Variants in ARHGAP32 observed in about 807,000 individuals in gnomAD.
ARHGAP32 encodes Rho GTPase activating protein 32.
In ARHGAP32, 51 loss-of-function variants were observed where a neutral mutation model predicts 186.5. That is an observed-to-expected ratio of 0.27 (90% CI 0.22 to 0.35). ARHGAP32 has a LOEUF of 0.35. Among genes scored for constraint, ARHGAP32 ranks in the 10% least tolerant of loss-of-function variants. The pLI, the probability that ARHGAP32 is intolerant of heterozygous loss-of-function variation, is 1.00. For synonymous variants in ARHGAP32, 950 were observed against 964.3 expected (o/e 0.99, Z 0.27); for missense variants, 2,186 against 2,623.5 (o/e 0.83, Z 3.64).
At chr11:128,982,188 C>A (rs977643367) in intron 15 of ARHGAP32, among the ~76,000 whole-genome samples, 2 of 152,018 alleles carry the variant, frequency 1.3e-5, no homozygotes, top group African/African-American at 4.8e-5. Flanking sequence ...GACATACTAA[C>A]AGGAAAGGAT....
intron 2 of ARHGAP32, among the ~76,000 whole-genome samples, chr11:129,138,233 A>T (rs1008437937): frequency 6.6e-6 from 1 of 151,490 alleles, no homozygotes; most frequent in East Asian, 1.9e-4. Flanking sequence ...AATTCATGTA[A>T]CAAGATCTGA....
chr11:129,064,409 T>C (rs1940619253), intron 8 of ARHGAP32, among the ~76,000 whole-genome samples: 1 of 152,150 alleles, frequency 6.6e-6, no homozygotes, highest in African/African-American at 2.4e-5. Context: ...GAAAACAATA[T>C]AACTCTACAT....
intron 10 of ARHGAP32, 67 bp from the exon 11 acceptor site, chr11:129,041,076 C>A (rs1474775474): frequency 2.8e-6 from 3 of 1,066,602 alleles, no homozygotes; most frequent in East Asian, 2.6e-5. Flanking sequence ...ACACTGCCAA[C>A]TGAATTCCAG....
At chr11:129,191,482 C>T (rs1944268274) in intron 1 of ARHGAP32, among the ~76,000 whole-genome samples, 1 of 152,126 alleles carries the variant, frequency 6.6e-6, no homozygotes, top group Non-Finnish European at 1.5e-5. Flanking sequence ...CCTCTAAAAA[C>T]TTCAATTATG....
chr11:129,030,728 C>A (rs918596942), intron 11 of ARHGAP32, among the ~76,000 whole-genome samples: 2 of 152,162 alleles, frequency 1.3e-5, no homozygotes, highest in East Asian at 1.9e-4. Flanking sequence ...TGAATGTTTC[C>A]TTCATGTACT....
chr11:129,197,326 G>A (rs188706700), intron 1 of ARHGAP32, among the ~76,000 whole-genome samples: 1 of 152,274 alleles, frequency 6.6e-6, no homozygotes, highest in Non-Finnish European at 1.5e-5. Context: ...CAGGGGAGGG[G>A]TATGGACAGG....
chr11:129,147,810 A>G (rs1943198231), intron 2 of ARHGAP32, among the ~76,000 whole-genome samples: 1 of 152,182 alleles, frequency 6.6e-6, no homozygotes, highest in African/African-American at 2.4e-5. Context: ...TGCTCATTCT[A>G]TATTTCTATG....
intron 11 of ARHGAP32, among the ~76,000 whole-genome samples, chr11:129,012,778 G>A (rs1038022714): frequency 1.3e-5 from 2 of 152,230 alleles, no homozygotes; most frequent in East Asian, 1.9e-4. Flanking sequence ...TGCAGCAGTA[G>A]TCTGCCATAT....
chr11:129,016,575 T>G (rs745912447), intron 11 of ARHGAP32, among the ~76,000 whole-genome samples: 5 of 152,212 alleles, frequency 3.3e-5, no homozygotes, highest in Non-Finnish European at 7.3e-5. Flanking sequence ...ATGTAAGACG[T>G]CTGTTTCTGA....
At chr11:129,101,632 A>G (rs186476175) in intron 5 of ARHGAP32, among the ~76,000 whole-genome samples, 1 of 152,226 alleles carries the variant, frequency 6.6e-6, no homozygotes, top group African/African-American at 2.4e-5. Flanking sequence ...ATTCTGAAAT[A>G]AGACAGACAG....
intron 1 of ARHGAP32, among the ~76,000 whole-genome samples, chr11:129,185,836 G>A (rs931869773): frequency 3.3e-5 from 5 of 151,450 alleles, no homozygotes; most frequent in Admixed American, 2.0e-4. Flanking sequence ...AAGAGAGAGA[G>A]AAAACCTGGG....
At chr11:129,169,397 T>A (rs1838332467) in intron 1 of ARHGAP32, among the ~76,000 whole-genome samples, 2 of 151,980 alleles carry the variant, frequency 1.3e-5, no homozygotes, top group Non-Finnish European at 2.9e-5. Flanking sequence ...TTTGGGAGGC[T>A]GAGGCGGGTG....
At chr11:129,138,838 T>C (rs1212299271) in intron 2 of ARHGAP32, among the ~76,000 whole-genome samples, 1 of 152,158 alleles carries the variant, frequency 6.6e-6, no homozygotes, top group Non-Finnish European at 1.5e-5. Context: ...ATGTTCAACA[T>C]AATCACAGAG....
intron 6 of ARHGAP32, among the ~76,000 whole-genome samples, chr11:129,073,263 G>GA (rs1018112057): frequency 6.6e-6 from 1 of 152,120 alleles, no homozygotes; most frequent in Admixed American, 6.6e-5. Flanking sequence ...AGACACATCA[G>GA]AAAAAGAGTC....
chr11:129,011,618 A>G (rs1938088597), intron 11 of ARHGAP32, among the ~76,000 whole-genome samples: 2 of 152,220 alleles, frequency 1.3e-5, no homozygotes, highest in Admixed American at 6.5e-5. Flanking sequence ...ACAAATAAAC[A>G]ATTTTAAACA....
At chr11:129,168,259 A>G (rs2135496704) in intron 1 of ARHGAP32, among the ~76,000 whole-genome samples, 1 of 152,280 alleles carries the variant, frequency 6.6e-6, no homozygotes, top group African/African-American at 2.4e-5. Context: ...ATAAAAAGCA[A>G]TAACTATATC....
rs1945330947 is a variant in ARHGAP32 at position 128,970,423 on chromosome 11, A to G, written c.4790T>C (p.Val1597Ala). 1.2e-6 allele frequency: 2 copies of G among 1,613,634 alleles called. No individual in the cohort carries two copies. Among genetic ancestry groups the G allele is most frequent in the Non-Finnish European group, 1.7e-6 (2 of 1,179,928 alleles). Residue 1597 changes from valine (V) to alanine (A), a missense_variant, in exon 23 of 23, where the codon GTG becomes GCG. This residue lies in a region of ARHGAP32 where 1,502 missense variants were observed against 1,570.0 expected (regional missense o/e 0.96). Transcript: ENST00000682385. The surrounding 1 kb of genome is among the most constrained non-coding windows in gnomAD (Gnocchi z 5.8). ...DIPPYPTIRRVQSLHAPPSSM... is the reference protein window; with the variant it reads ...DIPPYPTIRRAQSLHAPPSSM... Reference sequence around the variant, plus strand: ...AGACGGCGGAGCATGGAGAGACTGCACTCTCCGGATGGTAGGGTACGGTGG... The same window carrying G: ...AGACGGCGGAGCATGGAGAGACTGCGCTCTCCGGATGGTAGGGTACGGTGG...
chr11:129,161,953 A>G lies in ARHGAP32; in HGVS notation c.225+2366T>C, dbSNP rs1220506305. Among the ~76,000 whole-genome samples, 4 of 152,206 alleles carry G rather than the reference A, an allele frequency of 2.6e-5. No individual in the cohort carries two copies. The East Asian group carries it at 7.7e-4, about 29-fold the overall frequency. On this transcript the variant is annotated intron_variant, in intron 2 of 22. Transcript: ENST00000682385. ...AAATGTGGCACATATACACCATGGA[A>G]TACTATGCAGCCATAAAAAAAGATG...
chr11:129,076,151 C>T (rs561272597), intron 6 of ARHGAP32, among the ~76,000 whole-genome samples: 2 of 152,280 alleles, frequency 1.3e-5, no homozygotes, highest in Admixed American at 1.3e-4. Context: ...CAAGAAGTTA[C>T]CCTATATGAT....
Sources: allele counts gnomAD v4.1 joint callset (sites outside exome capture counted in the v4.1 genomes callset), GRCh38; gene constraint gnomAD v4.1.1; regional missense constraint gnomAD v4.1.1; non-coding constraint Gnocchi (gnomAD v3.1); transcripts MANE v1.5; gene names NCBI Gene and HGNC (gene_info 2026-07-23, HGNC 2026-07-21).